The following PDCD6 variants were observed in gnomAD, a reference collection of about 807,000 sequenced individuals.
PDCD6 encodes programmed cell death 6.
In PDCD6, 12 loss-of-function variants were observed where a neutral mutation model predicts 28.3. The ratio of observed to expected loss-of-function variants is 0.42; its 90% CI spans 0.27 to 0.69. The LOEUF (loss-of-function observed/expected upper bound fraction) is 0.69. PDCD6 is among the 30% of genes least tolerant of loss of function. The pLI, the probability that PDCD6 is intolerant of heterozygous loss-of-function variation, is 0.22. For synonymous variants in PDCD6, 92 were observed against 108.0 expected, an observed-to-expected ratio of 0.85 and a Z score of 0.92; for missense variants, 226 against 269.9, an observed-to-expected ratio of 0.84 and a Z score of 1.14.
intron 2 of PDCD6, among the ~76,000 whole-genome samples, chr5:278,721 CAAAAG>C (rs1471735119): frequency 2.9e-5 from 4 of 138,386 alleles, no homozygotes; most frequent in Non-Finnish European, 6.3e-5. Context: ...TCAAATAAAA[CAAAAG>C]GAAAGAAAGA....
At chr5:272,910 G>A in intron 2 of PDCD6, 138 bp downstream of exon 2, 1 of 1,379,444 alleles carries the variant, frequency 7.2e-7, no homozygotes. Flanking sequence ...GCTTCGTAGT[G>A]GAGATGCTTC....
At chr5:298,315 A>G (rs577780163) in intron 2 of PDCD6, among the ~76,000 whole-genome samples, 3 of 152,042 alleles carry the variant, frequency 2.0e-5, no homozygotes, top group South Asian at 2.1e-4. Context: ...GAGCCCAGAA[A>G]CTTCACGGTA....
intron 4 of PDCD6, chr5:310,633 T>G (rs1448257433): frequency 6.6e-6 from 1 of 152,520 alleles, no homozygotes; most frequent in East Asian, 1.9e-4. Flanking sequence ...GAGGCCTTTT[T>G]CAGGACAGCC....
chr5:273,692 T>TGGGG (rs56171019), intron 2 of PDCD6, among the ~76,000 whole-genome samples: 4 of 151,816 alleles, frequency 2.6e-5, no homozygotes, highest in East Asian at 3.9e-4. Flanking sequence ...GCGCTGTGGG[T>TGGGG]GGGGGGGTGC....
chr5:288,277 A>C (rs887112237), intron 2 of PDCD6, among the ~76,000 whole-genome samples: 2 of 132,018 alleles, frequency 1.5e-5, no homozygotes, highest in African/African-American at 5.7e-5. Flanking sequence ...TTCCCCCCTT[A>C]AAATAATATA....
At chr5:274,811 G>T (rs1457262558) in intron 2 of PDCD6, among the ~76,000 whole-genome samples, 4 of 152,032 alleles carry the variant, frequency 2.6e-5, no homozygotes, top group African/African-American at 9.7e-5. Flanking sequence ...CAGTTCAGCT[G>T]GTCCTCAAAG....
intron 4 of PDCD6, chr5:310,569 G>GC (rs1560864755): frequency 6.6e-6 from 1 of 152,348 alleles, no homozygotes; most frequent in Non-Finnish European, 1.5e-5. Flanking sequence ...TGCCCTCCGG[G>GC]GTGCCCGAAC....
chr5:272,951 C>G, intron 2 of PDCD6, 179 bp downstream of exon 2: 4 of 1,209,128 alleles, frequency 3.3e-6, no homozygotes, highest in Non-Finnish European at 4.6e-6. Flanking sequence ...GCTGTTACTG[C>G]TTGGAGTGCC....
At chr5:282,272 C>CGG (rs56327944) in intron 2 of PDCD6, among the ~76,000 whole-genome samples, 6 of 76,830 alleles carry the variant, frequency 7.8e-5, no homozygotes, top group East Asian at 5.8e-4. Flanking sequence ...GCGGAAAAAT[C>CGG]GGGGGGGGGG....
At chr5:311,105 C>A (rs754780944) in intron 4 of PDCD6, 188 bp from the exon 5 acceptor site, 10 of 586,798 alleles carry the variant, frequency 1.7e-5, no homozygotes, top group Non-Finnish European at 3.1e-5. Flanking sequence ...GATGTCAGCT[C>A]ATTACAGAAT....
rs149099614 is a variant in PDCD6 at position 306,684 on chromosome 5, C to T, written c.291C>T (p.Asn97=). The T allele has an allele frequency of 1.4e-4, 219 of 1,613,946 alleles. No homozygotes were observed. Among genetic ancestry groups the T allele is most frequent in the African/African-American group, 6.7e-4 (50 of 75,030 alleles). ...GGAAGTACATCACGGACTGGCAGAA[C>T]GTCTTCCGCACGTACGACCGGGACA... The part of the protein sequence containing the change: ...GVWKYITDWQ[N]VFRTYDRDNS... The change falls in exon 4 of 6, where the codon AAC becomes AAT. Residue 97 remains asparagine, a synonymous_variant. Transcript: ENST00000264933.
chr5:306,822 T>A (rs1740528120), intron 4 of PDCD6, 62 bp downstream of exon 4: 1 of 1,532,192 alleles, frequency 6.5e-7, no homozygotes. Context: ...GCCGTTGAAG[T>A]TCTTTAAACC....
chr5:300,866 G>A (rs1405924246), intron 2 of PDCD6, among the ~76,000 whole-genome samples: 2 of 152,122 alleles, frequency 1.3e-5, no homozygotes, highest in Non-Finnish European at 2.9e-5. Flanking sequence ...GCAATCCTTA[G>A]AATACTCCAG....
chr5:313,103 G>A (rs1409567771), intron 5 of PDCD6, among the ~76,000 whole-genome samples: 3 of 152,322 alleles, frequency 2.0e-5, no homozygotes, highest in South Asian at 2.1e-4. Flanking sequence ...CAGACCACGT[G>A]GGGAGGGCCT....
At chr5:290,246 T>C (rs1739235812) in intron 2 of PDCD6, 5 of 1,526,198 alleles carry the variant, frequency 3.3e-6, no homozygotes, top group Non-Finnish European at 1.8e-6. Context: ...AAGAAACTGA[T>C]CCAGGACAGG....
chr5:294,484 G>A (rs1381964217), intron 2 of PDCD6, among the ~76,000 whole-genome samples: 1 of 152,238 alleles, frequency 6.6e-6, no homozygotes. Flanking sequence ...AGAAATGCCA[G>A]TCAACAGTAC....
intron 2 of PDCD6, among the ~76,000 whole-genome samples, chr5:282,230 A>G (rs1738614511): frequency 7.9e-6 from 1 of 126,728 alleles, no homozygotes; most frequent in South Asian, 2.7e-4. Context: ...AGACCTGGAG[A>G]GGAGCTGATG....
At chr5:306,406 AC>A in intron 3 of PDCD6, 195 bp from the exon 4 acceptor site, 1 of 580,306 alleles carries the variant, frequency 1.7e-6, no homozygotes, top group Admixed American at 2.8e-5. Flanking sequence ...AATCCCCCAC[AC>A]CCCCACCCAG....
At position 285,686 on chromosome 5, in the gene PDCD6, C is replaced by T. The variant is rs371563548; in HGVS notation, c.163+12914C>T. 4.0e-4 allele frequency among the ~76,000 whole-genome samples: 61 copies of T among 150,724 alleles called. No individual in the cohort carries two copies. In the East Asian group the frequency reaches 0.012, roughly 29 times the overall value. ...GGAGCTGATGTTCTAGTTTGAGGGCCGTGCAGCTGGCGACCCGGGGGCGGG... is the reference window on the plus strand; with the variant it reads ...GGAGCTGATGTTCTAGTTTGAGGGCTGTGCAGCTGGCGACCCGGGGGCGGG... On this transcript the variant is annotated intron_variant, in intron 2 of 5. Transcript: ENST00000264933.
Sources: allele counts gnomAD v4.1 joint callset (sites outside exome capture counted in the v4.1 genomes callset), GRCh38; gene constraint gnomAD v4.1.1; transcripts MANE v1.5; gene names NCBI Gene and HGNC (gene_info 2026-07-23, HGNC 2026-07-21).